Variants in HAVCR2 observed in about 807,000 individuals in gnomAD.
The protein encoded by HAVCR2 is hepatitis A virus cellular receptor 2.
A neutral mutation model predicts 24.7 loss-of-function variants in HAVCR2; 13 were observed. That is an observed-to-expected ratio of 0.53 (90% CI 0.34 to 0.84). The LOEUF is 0.84. Ranked by LOEUF, HAVCR2 falls within the 40% of genes least tolerant of loss-of-function variation. HAVCR2 has a pLI of 0.01. For synonymous variants in HAVCR2, 154 were observed against 143.4 expected (o/e 1.07, Z -0.53); for missense variants, 343 against 371.2 (o/e 0.92, Z 0.62).
intron 1 of HAVCR2, among the ~76,000 whole-genome samples, chr5:157,108,082 T>C (rs1037733350): frequency 2.0e-5 from 3 of 152,038 alleles, no homozygotes; most frequent in Admixed American, 6.6e-5. Flanking sequence ...ATATATATTT[T>C]ATATATGATA....
intron 4 of HAVCR2, among the ~76,000 whole-genome samples, chr5:157,095,726 AGAG>A (rs1757087401): frequency 7.1e-6 from 1 of 140,598 alleles, no homozygotes; most frequent in African/African-American, 2.6e-5. Context: ...AAAAAAAAAA[AGAG>A]AGAAGGAGCT....
Position 157,106,801 on chromosome 5 carries a change from CCCTTT to C in HAVCR2, c.215_219del (p.Glu72GlyfsTer47). Reference sequence around the variant, plus strand: ...TATCTGGATGTCCAATAATTCACATCCCTTTCATCAGTCCTGAGCACCACGTTGCC... The same window carrying C: ...TATCTGGATGTCCAATAATTCACATCCATCAGTCCTGAGCACCACGTTGCC... On this transcript the variant is annotated frameshift_variant, in exon 2 of 7. Coordinates refer to ENST00000307851, the MANE Select transcript of HAVCR2 (RefSeq NM_032782.5). LOFTEE classifies it high-confidence loss of function. 5 of 1,614,204 alleles carry C rather than the reference CCCTTT, an allele frequency of 3.1e-6. No individual in the cohort carries two copies. Among genetic ancestry groups the C allele is most frequent in the East Asian group, 2.2e-5 (1 of 44,882 alleles).
chr5:157,095,275 A>T (rs1400011925), intron 5 of HAVCR2, 31 bp downstream of exon 5: 2 of 1,607,994 alleles, frequency 1.2e-6, no homozygotes, highest in Non-Finnish European at 1.7e-6. Context: ...AGAATTTGTT[A>T]TCAGAGGGAG....
At chr5:157,107,147 C>G (rs539746824) in intron 1 of HAVCR2, 185 bp from the exon 2 acceptor site, 2 of 573,002 alleles carry the variant, frequency 3.5e-6, no homozygotes. Flanking sequence ...GGAAGCCTTG[C>G]GAAAACACAG....
intron 2 of HAVCR2, chr5:157,106,387 C>T: frequency 2.0e-6 from 1 of 498,962 alleles, no homozygotes; most frequent in Non-Finnish European, 3.6e-6. Context: ...GCCTCAGCCT[C>T]CCAAAGTGCT....
chr5:157,089,964 C>T (rs1050973915), intron 5 of HAVCR2, among the ~76,000 whole-genome samples: 29 of 152,016 alleles, frequency 1.9e-4, no homozygotes, highest in Non-Finnish European at 5.9e-5. Flanking sequence ...GTTTCTTTTA[C>T]CCGCTGAAAA....
chr5:157,097,965 T>C (rs550144564), intron 4 of HAVCR2, among the ~76,000 whole-genome samples: 77 of 152,244 alleles, frequency 5.1e-4, no homozygotes, highest in African/African-American at 1.8e-3. Context: ...GGTATGGCTT[T>C]ATTTATAGTT....
At chr5:157,106,136 T>C (rs72805191) in intron 2 of HAVCR2, 992 of 7,682 alleles carry the variant, frequency 0.13, 12 homozygotes, top group African/African-American at 0.25. Flanking sequence ...TTTCTTTTCT[T>C]TTTTTTTTTT....
intron 5 of HAVCR2, among the ~76,000 whole-genome samples, chr5:157,093,338 A>G (rs1006218480): frequency 6.6e-6 from 1 of 152,124 alleles, no homozygotes; most frequent in Non-Finnish European, 1.5e-5. Context: ...CTGATTCTCC[A>G]TTAGAAACAT....
At chr5:157,088,638 C>T (rs1756950118) in intron 6 of HAVCR2, among the ~76,000 whole-genome samples, 2 of 152,144 alleles carry the variant, frequency 1.3e-5, no homozygotes, top group South Asian at 4.1e-4. Flanking sequence ...ATAATAGGAG[C>T]TCAATCCGTT....
intron 3 of HAVCR2, 21 bp from the exon 4 acceptor site, chr5:157,098,922 A>G: frequency 6.2e-7 from 1 of 1,609,048 alleles, no homozygotes; most frequent in South Asian, 1.1e-5. Context: ...AGAGAGAGAG[A>G]GAGAGAGAGG....
intron 1 of HAVCR2, among the ~76,000 whole-genome samples, chr5:157,107,974 G>A (rs115387715): frequency 0.023 from 3,434 of 150,510 alleles, 134 homozygotes; most frequent in African/African-American, 0.079. Context: ...TGTCTCTCAG[G>A]TGCCTCCTTA....
At position 157,106,575 on chromosome 5, in the gene HAVCR2, T is replaced by C. The variant is rs756657236; in HGVS notation, c.394+52A>G. ...ATGAGAACAATCAGTACCTTTAATA[T>C]GATCCACAGATAAATCTTATTCATA... On this transcript the variant is annotated intron_variant, in intron 2 of 6. Coordinates refer to ENST00000307851, the MANE Select transcript of HAVCR2 (RefSeq NM_032782.5). The C allele has an allele frequency of 9.6e-6, 14 of 1,453,718 alleles. No individual in the cohort carries two copies. The East Asian group carries it at 2.0e-4, about 21-fold the overall frequency. The allele number at this position is 1,453,718 out of a possible 1,614,324, so 90.1% of individuals were successfully genotyped here. A position where few individuals can be genotyped will look rare whatever the true frequency, so the allele number is the denominator to read the frequency against.
intron 3 of HAVCR2, among the ~76,000 whole-genome samples, chr5:157,103,098 T>C (rs1757193157): frequency 6.6e-6 from 1 of 151,566 alleles, no homozygotes; most frequent in South Asian, 2.1e-4. Context: ...GCGCGGTGGC[T>C]CACGCGTGTA....
intron 6 of HAVCR2, among the ~76,000 whole-genome samples, chr5:157,088,706 AT>A (rs1756950901): frequency 6.6e-6 from 1 of 152,222 alleles, no homozygotes; most frequent in African/African-American, 2.4e-5. Flanking sequence ...ATGTTGTATT[AT>A]TAGGGTGATA....
In HAVCR2 at chr5:157,095,424, AGAGTCCCGT is replaced by A; in HGVS notation, c.549_557del (p.Leu183_Ser186delinsPhe). ...AGTCCCGTAAGTCATTGGCCAATCT[AGAGTCCCGT>A]AACTCATTGGCCAATGTGGATATTT... On this transcript the variant is annotated inframe_deletion, in exon 5 of 7. Transcript: ENST00000307851. 6.2e-7 allele frequency: 1 copy of A among 1,613,984 alleles called. No individual in the cohort carries two copies. The highest frequency in any genetic ancestry group is 8.5e-7 in the Non-Finnish European group (1 of 1,179,876).
At chr5:157,108,828 G>T (rs578058141) in intron 1 of HAVCR2, 98 bp downstream of exon 1, 130 of 1,132,514 alleles carry the variant, frequency 1.1e-4, no homozygotes, top group Non-Finnish European at 1.6e-4. Flanking sequence ...CCAAGCTTTT[G>T]CTATTACAAA....
chr5:157,108,854 C>T, intron 1 of HAVCR2, 72 bp downstream of exon 1: 1 of 1,417,338 alleles, frequency 7.1e-7, no homozygotes, highest in Non-Finnish European at 9.8e-7. Context: ...TTACAATGGC[C>T]ATCCTTGTAT....
intron 6 of HAVCR2, among the ~76,000 whole-genome samples, chr5:157,087,972 G>A (rs1276867390): frequency 6.7e-6 from 1 of 150,258 alleles, no homozygotes; most frequent in Non-Finnish European, 1.5e-5. Flanking sequence ...GTTTTGTTTT[G>A]TTTGATGCTG....
Sources: allele counts gnomAD v4.1 joint callset (sites outside exome capture counted in the v4.1 genomes callset), GRCh38; gene constraint gnomAD v4.1.1; transcripts MANE v1.5; gene names NCBI Gene and HGNC (gene_info 2026-07-23, HGNC 2026-07-21).